RIMBP2: variants seen among roughly 807,000 people sequenced by gnomAD.
The protein encoded by RIMBP2 is RIMS-binding protein 2.
A neutral mutation model predicts 118.6 loss-of-function variants in RIMBP2; 48 were observed. The ratio of observed to expected loss-of-function variants is 0.40; its 90% confidence interval spans 0.32 to 0.51. RIMBP2 has a LOEUF of 0.51. Among genes scored for constraint, RIMBP2 ranks in the 20% least tolerant of loss-of-function variants. The probability of loss-of-function intolerance (pLI) is 0.41; values close to 1 mark genes in which losing one functional copy is unlikely to be tolerated. For synonymous variants in RIMBP2, 762 were observed against 742.9 expected (o/e 1.03, Z -0.42); for missense variants, 1,551 against 1,768.3 (o/e 0.88, Z 2.20).
In RIMBP2 at chr12:130,683,066, CA is replaced by C. The variant is rs1487409633; in HGVS notation, c.-352+33155del. 6.6e-6 allele frequency among the ~76,000 whole-genome samples: 1 copy of C among 152,038 alleles called. No individual in the cohort carries two copies. The highest frequency in any genetic ancestry group is 2.4e-5 in the African/African-American group (1 of 41,376). On this transcript the variant is annotated intron_variant, in intron 1 of 22. Transcript: ENST00000690449. This position sits in a 1 kb window ranked among gnomAD's most constrained non-coding sequence, Gnocchi z 4.4. ...CGTAGTAGTTGAATAGTGCCTTCCC[CA>C]AAAAACCCACATGACCCCATTTGGA... is the stretch of plus-strand genomic sequence containing the variant.
At chr12:130,701,776 C>T (rs2065866893) in intron 1 of RIMBP2, among the ~76,000 whole-genome samples, 1 of 152,104 alleles carries the variant, frequency 6.6e-6, no homozygotes. Context: ...TTAAATAACG[C>T]ATCCTTCAAC....
In RIMBP2 at chr12:130,618,595, A is replaced by G. The variant is rs771273569; in HGVS notation, c.-217+9727T>C. Reference sequence around the variant, plus strand: ...CTTTTGCCTAGTGCTGTGGGCTCCCAGGAGTTCTGCGGCTCTTCCTGCTCA... The same window carrying G: ...CTTTTGCCTAGTGCTGTGGGCTCCCGGGAGTTCTGCGGCTCTTCCTGCTCA... On this transcript the variant is annotated intron_variant, in intron 2 of 22. Transcript: ENST00000690449. Among the ~76,000 whole-genome samples the G allele has an allele frequency of 4.6e-5, 7 of 152,266 alleles. No homozygotes were observed. In the South Asian group the frequency reaches 6.2e-4, roughly 14 times the overall value.
At chr12:130,445,103 G>C in intron 10 of RIMBP2, 57 bp downstream of exon 10, 1 of 1,134,116 alleles carries the variant, frequency 8.8e-7, no homozygotes. Flanking sequence ...GGAAGAGGTG[G>C]TCTGCGGGGT....
At chr12:130,522,834 A>G (rs902512420) in intron 2 of RIMBP2, among the ~76,000 whole-genome samples, 17 of 151,816 alleles carry the variant, frequency 1.1e-4, no homozygotes, top group African/African-American at 4.1e-4. Context: ...CCCCAGGGTG[A>G]CTCTATTTGG....
chr12:130,601,335 C>CAA (rs35127958), intron 2 of RIMBP2, among the ~76,000 whole-genome samples: 4,411 of 62,668 alleles, frequency 0.07, 412 homozygotes, highest in African/African-American at 0.081. Context: ...AGAGGGCAGG[C>CAA]AAAAAAAAAA....
chr12:130,408,664 C>T (rs1452188309), intron 19 of RIMBP2, among the ~76,000 whole-genome samples: 1 of 152,196 alleles, frequency 6.6e-6, no homozygotes, highest in Non-Finnish European at 1.5e-5. Context: ...GGCCCAATCA[C>T]GAAACCCCTG....
At chr12:130,487,655 T>C (rs906342863) in intron 4 of RIMBP2, among the ~76,000 whole-genome samples, 1 of 152,196 alleles carries the variant, frequency 6.6e-6, no homozygotes, top group Admixed American at 6.5e-5. Context: ...ACATGGCAAG[T>C]GTCCTGACCA....
intron 2 of RIMBP2, among the ~76,000 whole-genome samples, chr12:130,543,566 G>A (rs1444476266): frequency 6.6e-6 from 1 of 152,084 alleles, no homozygotes; most frequent in Non-Finnish European, 1.5e-5. Flanking sequence ...CTCCAAAGAT[G>A]AGCCCTATAG....
At chr12:130,557,612 G>T (rs966821709) in intron 2 of RIMBP2, among the ~76,000 whole-genome samples, 25 of 152,198 alleles carry the variant, frequency 1.6e-4, no homozygotes, top group African/African-American at 5.3e-4. Context: ...CCGAACTCTT[G>T]ACCCAGAGAA....
At chr12:130,640,114 T>A (rs1247633828) in intron 1 of RIMBP2, among the ~76,000 whole-genome samples, 2 of 152,170 alleles carry the variant, frequency 1.3e-5, no homozygotes, top group Non-Finnish European at 2.9e-5. Context: ...CACGATGTTA[T>A]TCTCGATCAC....
At chr12:130,546,848 T>C (rs2055225453) in intron 2 of RIMBP2, among the ~76,000 whole-genome samples, 1 of 152,250 alleles carries the variant, frequency 6.6e-6, no homozygotes, top group Non-Finnish European at 1.5e-5. Context: ...TCTGGATTTC[T>C]GACTTCTGTT....
chr12:130,495,660 T>A (rs971365297), intron 4 of RIMBP2, among the ~76,000 whole-genome samples: 1 of 152,244 alleles, frequency 6.6e-6, no homozygotes, highest in Non-Finnish European at 1.5e-5. Flanking sequence ...GGTACCTGGC[T>A]ATCCTTCTGT....
At chr12:130,609,242 C>G (rs190934124) in intron 2 of RIMBP2, among the ~76,000 whole-genome samples, 1 of 151,946 alleles carries the variant, frequency 6.6e-6, no homozygotes, top group South Asian at 2.1e-4. Context: ...AGCTGTCTGC[C>G]CCCCCACGTT....
chr12:130,572,832 G>A (rs2057786258), intron 2 of RIMBP2, among the ~76,000 whole-genome samples: 1 of 152,156 alleles, frequency 6.6e-6, no homozygotes, highest in Non-Finnish European at 1.5e-5. Context: ...GACGGGGCCA[G>A]AGGGATGCAC....
rs775811314 is a variant in RIMBP2, at chr12:130,407,791, T to A, written c.3628A>T (p.Thr1210Ser). The change falls in exon 20 of 23, where the codon ACG becomes TCG. Residue 1210 changes from threonine to serine, a missense_variant. Thr to Ser is a moderately conservative substitution (Grantham distance 58). Transcript: ENST00000690449. ...RRSGRRHSVS[T>S]RRMVALYDYD... The stretch of plus-strand genomic sequence containing the variant: ...TCATACAGGGCCACCATTCTCCGCG[T>A]CGATACCGAATGACGCCTGCCACTT... The A allele has an allele frequency of 1.2e-6, 2 of 1,614,090 alleles. No individual in the cohort carries two copies. Among genetic ancestry groups the A allele is most frequent in the Admixed American group, 3.3e-5 (2 of 60,020 alleles).
chr12:130,684,785 C>T (rs964455735), intron 1 of RIMBP2, among the ~76,000 whole-genome samples: 2 of 152,130 alleles, frequency 1.3e-5, no homozygotes, highest in African/African-American at 4.8e-5. Context: ...TTTTTTATCC[C>T]ATATATATAC....
chr12:130,486,459 C>T (rs912387861), intron 4 of RIMBP2, among the ~76,000 whole-genome samples: 2 of 152,008 alleles, frequency 1.3e-5, no homozygotes, highest in African/African-American at 4.8e-5. Context: ...CCTTCATCCC[C>T]GTCCCCCGCC....
At chr12:130,557,300 C>T (rs1389926471) in intron 2 of RIMBP2, among the ~76,000 whole-genome samples, 4 of 152,046 alleles carry the variant, frequency 2.6e-5, no homozygotes, top group Non-Finnish European at 4.4e-5. Context: ...CCTGCTGGCC[C>T]CTGGAGCTCA....
intron 1 of RIMBP2, among the ~76,000 whole-genome samples, chr12:130,676,128 C>A (rs2064451244): frequency 6.6e-6 from 1 of 152,234 alleles, no homozygotes; most frequent in Admixed American, 6.5e-5. Flanking sequence ...TCCCAGCCAC[C>A]AGCGCTGTGA....
Sources: gnomAD v4.1 joint callset for allele counts (sites outside exome capture counted in the v4.1 genomes callset) on GRCh38, gnomAD v4.1.1 for gene constraint, Gnocchi (gnomAD v3.1) non-coding constraint, MANE v1.5 for transcripts, NCBI Gene and HGNC (gene_info 2026-07-23, HGNC 2026-07-21) for gene names.